The following FBXL16 variants were observed in gnomAD, a reference collection of about 807,000 sequenced individuals.
FBXL16 encodes F-box and leucine rich repeat protein 16, also known as F-box/LRR-repeat protein 16.
In FBXL16, 7 loss-of-function variants were observed where a neutral mutation model predicts 36.7. That is an observed-to-expected ratio of 0.19 (90% CI 0.11 to 0.36). The LOEUF (loss-of-function observed/expected upper bound fraction) is 0.36, where lower values mean the gene tolerates loss of function less well. FBXL16 is among the 10% of genes least tolerant of loss of function. FBXL16 has a pLI of 1.00. For missense variants in FBXL16, 463 were observed against 659.4 expected, an observed-to-expected ratio of 0.70 and a Z score of 3.26; for synonymous variants, 355 against 308.7, an observed-to-expected ratio of 1.15 and a Z score of -1.57.
chr16:702,284 C>A (rs113415472), intron 1 of FBXL16, among the ~76,000 whole-genome samples: 1 of 152,162 alleles, frequency 6.6e-6, no homozygotes, highest in Non-Finnish European at 1.5e-5. Context: ...GCTTGCCTGG[C>A]AGGGTTTCCC....
intron 1 of FBXL16, among the ~76,000 whole-genome samples, chr16:701,451 G>A (rs921461760): frequency 3.9e-5 from 6 of 152,164 alleles, no homozygotes; most frequent in Non-Finnish European, 8.8e-5. Flanking sequence ...CCCCCACCCC[G>A]TAGCTCAAAA....
chr16:703,414 C>T (rs745794923), intron 1 of FBXL16, among the ~76,000 whole-genome samples: 5 of 152,200 alleles, frequency 3.3e-5, no homozygotes, highest in Non-Finnish European at 7.4e-5. Context: ...ACCACTCAGC[C>T]CTCATAGAAC....
In FBXL16 at chr16:695,980, G is replaced by A. The variant is rs1400741124; in HGVS notation, c.634-57C>T. The A allele has an allele frequency of 7.2e-6, 11 of 1,528,150 alleles. No homozygotes were observed. In the Admixed American group the frequency reaches 1.1e-4, roughly 16 times the overall value. 94.7% of individuals were successfully genotyped at this position (1,528,150 alleles called of 1,614,324 possible). A position where few individuals can be genotyped will look rare whatever the true frequency, so the allele number is the denominator to read the frequency against. ...CAGGAGAAGGGGTGGAGCCCGCAGGGAGGAAGCAGTAGGGTGTAAACATGC... is the reference window on the plus strand; with the variant it reads ...CAGGAGAAGGGGTGGAGCCCGCAGGAAGGAAGCAGTAGGGTGTAAACATGC... On this transcript the variant is annotated intron_variant, in intron 2 of 5. Transcript: ENST00000397621.
At position 694,175 on chromosome 16, in the gene FBXL16, G is replaced by A. The variant is rs1482168270; in HGVS notation, c.*100C>T. 2 of 850,928 alleles carry A rather than the reference G, an allele frequency of 2.4e-6. No individual in the cohort carries two copies. The highest frequency in any genetic ancestry group is 3.1e-6 in the Non-Finnish European group (2 of 640,184). 52.7% of individuals were successfully genotyped at this position (850,928 alleles called of 1,614,324 possible). On this transcript the variant is annotated 3_prime_UTR_variant, in exon 6 of 6. Transcript: ENST00000397621. ...TCCCGCGCTGGGCCGGGGGCGCGGG[G>A]GCTCCCCCGAGCGCAAGGCGGGAAG...
Position 697,137 on chromosome 16 carries a change from G to A in FBXL16, c.269C>T (p.Ala90Val), listed in dbSNP as rs766424026. 4.5e-5 allele frequency: 72 copies of A among 1,601,382 alleles called. No individual in the cohort carries two copies. Among genetic ancestry groups the A allele is most frequent in the East Asian group, 3.6e-4 (16 of 44,706 alleles). The change falls in exon 2 of 6, where the codon GCG becomes GTG. Residue 90 changes from alanine (A) to valine (V), a missense_variant. Ala to Val is a moderately conservative substitution (Grantham distance 64). Coordinates refer to ENST00000397621, the MANE Select transcript of FBXL16 (RefSeq NM_153350.4). This position sits in a 1 kb window ranked among gnomAD's most constrained non-coding sequence, Gnocchi z 4.6. ...PASALAPGHP[A>V]ERPPLATDEK... ...GTCCGTGGCCAGCGGCGGCCGCTCC[G>A]CTGGGTGCCCAGGTGCCAAGGCTGA... is the stretch of plus-strand genomic sequence containing the variant.
At chr16:703,587 C>T (rs375067425) in intron 1 of FBXL16, among the ~76,000 whole-genome samples, 12 of 152,152 alleles carry the variant, frequency 7.9e-5, no homozygotes, top group African/African-American at 2.7e-4. Flanking sequence ...TGACACATTC[C>T]GTGGCAGCCC....
At position 696,646 on chromosome 16, in the gene FBXL16, C is replaced by T. The variant is rs1309758507; in HGVS notation, c.633+127G>A. ...ACAAGGGACCCACATTTTCGCTTTG[C>T]GCGAGGTCCCCTGTAGTCAGTCCTT... On this transcript the variant is annotated intron_variant, in intron 2 of 5. Coordinates refer to ENST00000397621, the MANE Select transcript of FBXL16 (RefSeq NM_153350.4). 2.9e-5 allele frequency: 26 copies of T among 907,804 alleles called. 1 individual carries two copies. Among genetic ancestry groups the T allele is most frequent in the East Asian group, 1.1e-4 (3 of 26,968 alleles). 56.2% of individuals were successfully genotyped at this position (907,804 alleles called of 1,614,324 possible). A position where few individuals can be genotyped will look rare whatever the true frequency, so the allele number is the denominator to read the frequency against.
chr16:695,939 C>G lies in FBXL16; in HGVS notation c.634-16G>C, dbSNP rs1422918076. 18 of 1,562,058 alleles carry G rather than the reference C, an allele frequency of 1.2e-5. No homozygotes were observed. The Admixed American group carries it at 3.2e-4, about 28-fold the overall frequency. ...CAAGCATAACCTGCAGGCGGGCGGG[C>G]GCCGGGTCAGGATTGCAGGAGAAGG... is the stretch of plus-strand genomic sequence containing the variant. On this transcript the variant is annotated splice_polypyrimidine_tract_variant and intron_variant, in intron 2 of 5. Transcript: ENST00000397621.
Position 694,054 on chromosome 16 carries a change from G to GGGGCGGGCCC in FBXL16, c.*211_*220dup, listed in dbSNP as rs1555478761. On this transcript the variant is annotated 3_prime_UTR_variant, in exon 6 of 6. Coordinates refer to ENST00000397621, the MANE Select transcript of FBXL16 (RefSeq NM_153350.4). ...AGTCCCCGAGTGTGCGTGCGTGCGTGGGGCGGGCCCACCCGCCGCCCCCCT... is the reference window on the plus strand; with the variant it reads ...AGTCCCCGAGTGTGCGTGCGTGCGTGGGGCGGGCCCGGGCGGGCCCACCCGCCGCCCCCCT... The GGGGCGGGCCC allele has an allele frequency of 1.3e-5, 3 of 233,170 alleles. No homozygotes were observed. The highest frequency in any genetic ancestry group is 1.7e-4 in the East Asian group (2 of 11,982). The allele number at this position is 233,170 out of a possible 1,614,324, so 14.4% of individuals were successfully genotyped here.
In FBXL16 at chr16:695,069, G is replaced by C. The variant is rs1279629227; in HGVS notation, c.1150C>G (p.Arg384Gly). 6.2e-7 allele frequency: 1 copy of C among 1,607,496 alleles called. No homozygotes were observed. The highest frequency in any genetic ancestry group is 1.7e-5 in the Admixed American group (1 of 59,396). ...LEELVLDRCV[R>G]ITDTGLSYLS... ...TAGCTGAGGCCAGTGTCCGTGATGC[G>C]TACACACCTGTGGTTGCACCAGAGG... is the stretch of plus-strand genomic sequence containing the variant. The change falls in exon 4 of 6, where the codon CGC (arginine) becomes GGC (glycine). Residue 384 changes from arginine (R) to glycine (G), a missense_variant. By Grantham distance (125) the Arg-to-Gly change is moderately radical. Transcript: ENST00000397621.
In FBXL16 at chr16:696,765, GT is replaced by G. The variant is rs762637414; in HGVS notation, c.633+7del. The G allele has an allele frequency of 8.4e-6, 6 of 713,588 alleles. No homozygotes were observed. In the East Asian group the frequency reaches 2.1e-4, roughly 25 times the overall value. The allele number at this position is 713,588 out of a possible 1,614,324, so 44.2% of individuals were successfully genotyped here. ...CCCAGCCCTGTCCCCCCCGAGCCTGGTGCACACCTCGAGGCCTGCGTCCGTG... is the reference window on the plus strand; with the variant it reads ...CCCAGCCCTGTCCCCCCCGAGCCTGGGCACACCTCGAGGCCTGCGTCCGTG... On this transcript the variant is annotated splice_region_variant and intron_variant, in intron 2 of 5. Transcript: ENST00000397621.
chr16:696,693 A>ACCAT lies in FBXL16; in HGVS notation c.633+76_633+79dup, dbSNP rs1418581510. 6.7e-6 allele frequency: 9 copies of ACCAT among 1,340,528 alleles called. No homozygotes were observed. The African/African-American group carries it at 7.5e-5, about 11-fold the overall frequency. The allele number at this position is 1,340,528 out of a possible 1,614,324, so 83.0% of individuals were successfully genotyped here. On this transcript the variant is annotated intron_variant, in intron 2 of 5. Transcript: ENST00000397621. ...CCTTCTTTCCTCCCACCCCAAAGCC[A>ACCAT]CCATCCGCTCCCACCTCCATAGGGT...
chr16:700,997 T>C (rs1247791252), intron 1 of FBXL16, among the ~76,000 whole-genome samples: 2 of 152,114 alleles, frequency 1.3e-5, no homozygotes, highest in African/African-American at 2.4e-5. Context: ...GGAGGAATAA[T>C]CCCGGCGCAG....
intron 1 of FBXL16, among the ~76,000 whole-genome samples, chr16:702,761 C>T (rs2040066606): frequency 6.6e-6 from 1 of 152,182 alleles, no homozygotes; most frequent in African/African-American, 2.4e-5. Flanking sequence ...AGAGGGCTCC[C>T]AAGACCCCAG....
chr16:694,524 G>A, intron 5 of FBXL16, 101 bp from the exon 6 acceptor site: 1 of 1,509,882 alleles, frequency 6.6e-7, no homozygotes, highest in Non-Finnish European at 9.0e-7. Flanking sequence ...ACCCGGGACT[G>A]TGTGTCCGCG....
At chr16:695,991 A>C in intron 2 of FBXL16, 68 bp from the exon 3 acceptor site, 2 of 1,512,570 alleles carry the variant, frequency 1.3e-6, no homozygotes, top group Non-Finnish European at 1.8e-6. Flanking sequence ...AGGAAGCAGT[A>C]GGGTGTAAAC....
chr16:697,183 T>C lies in FBXL16; in HGVS notation c.223A>G (p.Thr75Ala). Residue 75 changes from threonine to alanine, a missense_variant, in exon 2 of 6, where the codon ACC becomes GCC. Thr to Ala is a moderately conservative substitution (Grantham distance 58, BLOSUM62 0). Transcript: ENST00000397621. This position sits in a 1 kb window ranked among gnomAD's most constrained non-coding sequence, Gnocchi z 4.6. ...SRAALAGGPC[T>A]PAGGPASALA... ...GCTGAGGCTGGTCCACCTGCCGGGG[T>C]GCACGGGCCCCCAGCCAGGGCAGCC... is the stretch of plus-strand genomic sequence containing the variant. The C allele has an allele frequency of 6.7e-7, 1 of 1,490,278 alleles. No individual in the cohort carries two copies. Among genetic ancestry groups the C allele is most frequent in the Non-Finnish European group, 9.0e-7 (1 of 1,116,700 alleles). The allele number at this position is 1,490,278 out of a possible 1,614,324, so 92.3% of individuals were successfully genotyped here.
intron 1 of FBXL16, among the ~76,000 whole-genome samples, chr16:698,992 A>G (rs1479250939): frequency 6.6e-6 from 1 of 152,132 alleles, no homozygotes; most frequent in East Asian, 1.9e-4. Flanking sequence ...CATGCAAAGA[A>G]AGGGCGGGCA....
chr16:701,398 G>A (rs2040056234), intron 1 of FBXL16, among the ~76,000 whole-genome samples: 1 of 152,188 alleles, frequency 6.6e-6, no homozygotes, highest in Non-Finnish European at 1.5e-5. Context: ...GCCGGCCCCC[G>A]CTGCTCCTCA....
Sources: gnomAD v4.1 joint callset for allele counts (sites outside exome capture counted in the v4.1 genomes callset) on GRCh38, gnomAD v4.1.1 for gene constraint, Gnocchi (gnomAD v3.1) non-coding constraint, MANE v1.5 for transcripts, NCBI Gene and HGNC (gene_info 2026-07-23, HGNC 2026-07-21) for gene names.